Variants in ARHGAP25 observed in about 807,000 individuals in gnomAD.
The protein encoded by ARHGAP25 is Rho GTPase activating protein 25.
ARHGAP25 carries 34 observed loss-of-function variants against 71.0 expected under a neutral mutation model. The observed-to-expected ratio is 0.48, with a 90% CI of 0.36 to 0.64. ARHGAP25 has a LOEUF of 0.64. ARHGAP25 is among the 30% of genes least tolerant of loss of function. ARHGAP25 has a pLI of 0.00. For synonymous variants in ARHGAP25, 282 were observed against 296.5 expected, an observed-to-expected ratio of 0.95 and a Z score of 0.50; for missense variants, 706 against 805.1, an observed-to-expected ratio of 0.88 and a Z score of 1.49.
chr2:68,722,151 A>T (rs977701440), intron 2 of ARHGAP25, among the ~76,000 whole-genome samples: 5 of 152,356 alleles, frequency 3.3e-5, no homozygotes, highest in South Asian at 2.1e-4. Context: ...TAGGCCTTTT[A>T]AACAAGGAAA....
chr2:68,822,078 A>C (rs761545228), intron 9 of ARHGAP25, among the ~76,000 whole-genome samples: 10 of 152,136 alleles, frequency 6.6e-5, no homozygotes, highest in Non-Finnish European at 1.2e-4. Context: ...CTAAGATTAC[A>C]TAAGGATCCT....
At chr2:68,799,708 T>C (rs1417939135) in intron 4 of ARHGAP25, among the ~76,000 whole-genome samples, 1 of 151,902 alleles carries the variant, frequency 6.6e-6, no homozygotes, top group Non-Finnish European at 1.5e-5. Flanking sequence ...AGCTGGAGAG[T>C]CCTGTGTGTA....
chr2:68,727,145 C>G (rs1052920629), intron 2 of ARHGAP25, among the ~76,000 whole-genome samples: 3 of 152,142 alleles, frequency 2.0e-5, no homozygotes, highest in African/African-American at 7.2e-5. Context: ...TTAGTATTTG[C>G]TAAAAGCGTG....
upstream of ARHGAP25, among the ~76,000 whole-genome samples, chr2:68,731,747 T>C (rs893812557): frequency 2.0e-5 from 3 of 152,066 alleles, no homozygotes; most frequent in Non-Finnish European, 4.4e-5. Context: ...AAGCCTTACT[T>C]TAAAAGACAC....
At chr2:68,811,871 G>A (rs1680851899) in intron 5 of ARHGAP25, among the ~76,000 whole-genome samples, 1 of 152,138 alleles carries the variant, frequency 6.6e-6, no homozygotes, top group African/African-American at 2.4e-5. Flanking sequence ...TGAAATCAAG[G>A]AGATTCCAAG....
chr2:68,795,606 A>T (rs1432840824), intron 4 of ARHGAP25, among the ~76,000 whole-genome samples: 1 of 152,084 alleles, frequency 6.6e-6, no homozygotes, highest in Non-Finnish European at 1.5e-5. Flanking sequence ...TTCTAGTTTT[A>T]TTCCACTGTG....
chr2:68,712,939 G>T (rs545748094), intron 2 of ARHGAP25, among the ~76,000 whole-genome samples: 7 of 152,290 alleles, frequency 4.6e-5, no homozygotes, highest in Non-Finnish European at 1.0e-4. Context: ...AAGTCAGGTA[G>T]CGTGATGCCT....
intron 1 of ARHGAP25, among the ~76,000 whole-genome samples, chr2:68,771,320 G>C (rs1387267159): frequency 2.0e-5 from 3 of 152,126 alleles, no homozygotes; most frequent in Non-Finnish European, 4.4e-5. Flanking sequence ...CCCTCCGCCT[G>C]GTTCAGACCT....
intron 2 of ARHGAP25, among the ~76,000 whole-genome samples, chr2:68,729,491 A>C (rs1674959497): frequency 6.6e-6 from 1 of 152,208 alleles, no homozygotes; most frequent in Non-Finnish European, 1.5e-5. Flanking sequence ...TTGCAAAATC[A>C]CTCAGACACA....
chr2:68,822,277 C>T, intron 9 of ARHGAP25, 63 bp from the exon 10 acceptor site: 2 of 1,520,386 alleles, frequency 1.3e-6, no homozygotes, highest in Non-Finnish European at 1.8e-6. Flanking sequence ...TAATCCATAC[C>T]TTGGGAGCAT....
At chr2:68,815,048 T>C (rs940434543) in intron 6 of ARHGAP25, among the ~76,000 whole-genome samples, 3 of 152,192 alleles carry the variant, frequency 2.0e-5, no homozygotes, top group African/African-American at 7.2e-5. Flanking sequence ...CTGGGGAAAG[T>C]AAAGGAGGCA....
In ARHGAP25 at chr2:68,819,131, C is replaced by T. The variant is rs1471173631; in HGVS notation, c.1012C>T (p.Gln338Ter). The change falls in exon 9 of 11, where the codon CAG becomes TAG. Residue 338 changes from glutamine (Q) to a stop codon, truncating the protein, a stop_gained. Transcript: ENST00000409202. LOFTEE classifies it high-confidence loss of function. ...DPAVIMRGTP[Q>*]IQRVMTMMIR... ...TTTCTTCTGTCTTTCAGGGACTCCT[C>T]AGATCCAAAGAGTGATGACTATGAT... is the stretch of plus-strand genomic sequence containing the variant. 1.3e-6 allele frequency: 2 copies of T among 1,553,160 alleles called. No homozygotes were observed. Among genetic ancestry groups the T allele is most frequent in the Non-Finnish European group, 1.7e-6 (2 of 1,149,616 alleles).
chr2:68,818,027 C>A, intron 8 of ARHGAP25, 33 bp downstream of exon 8: 1 of 1,611,794 alleles, frequency 6.2e-7, no homozygotes, highest in South Asian at 1.1e-5. Context: ...AGCAGGTACC[C>A]AGGAAATAAC....
chr2:68,821,346 C>T (rs1046208867), intron 9 of ARHGAP25, among the ~76,000 whole-genome samples: 10 of 152,134 alleles, frequency 6.6e-5, no homozygotes, highest in Non-Finnish European at 1.2e-4. Context: ...GTGATCCACC[C>T]TCCTCAGCCT....
At chr2:68,795,943 G>A (rs889197538) in intron 4 of ARHGAP25, among the ~76,000 whole-genome samples, 4 of 152,092 alleles carry the variant, frequency 2.6e-5, no homozygotes, top group Non-Finnish European at 2.9e-5. Flanking sequence ...TGGATGCTCC[G>A]TGTTGAGTGC....
chr2:68,715,517 G>A (rs1278926333), intron 2 of ARHGAP25, among the ~76,000 whole-genome samples: 2 of 152,174 alleles, frequency 1.3e-5, no homozygotes, highest in African/African-American at 4.8e-5. Context: ...AGGGGCTTCC[G>A]GGAGGCGGTC....
At position 68,772,109 on chromosome 2, in the gene ARHGAP25, C is replaced by T. The variant is rs112623623; in HGVS notation, c.62-3112C>T. Among the ~76,000 whole-genome samples the T allele has an allele frequency of 4.7e-3, 722 of 152,368 alleles. 5 individuals carry two copies. Among genetic ancestry groups the T allele is most frequent in the Non-Finnish European group, 8.5e-3 (578 of 68,030 alleles). The stretch of plus-strand genomic sequence containing the variant: ...ACAAAGCATGAAAAATTTCACAGAA[C>T]TGTGAACAAAATACCAGCAACTAAT... On this transcript the variant is annotated intron_variant, in intron 1 of 10. Coordinates refer to ENST00000409202, the MANE Select transcript of ARHGAP25 (RefSeq NM_001007231.3).
chr2:68,775,810 T>A (rs1677854699), intron 2 of ARHGAP25: 4 of 399,862 alleles, frequency 1.0e-5, no homozygotes, highest in Non-Finnish European at 2.0e-5. Context: ...TGCCACACAC[T>A]GTTCTAGGTA....
intron 6 of ARHGAP25, among the ~76,000 whole-genome samples, chr2:68,815,274 G>T (rs1200534999): frequency 2.6e-5 from 4 of 152,044 alleles, no homozygotes; most frequent in South Asian, 4.1e-4. Context: ...GAATTTACTC[G>T]ACTCAACTGA....
Sources: gnomAD v4.1 joint callset for allele counts (sites outside exome capture counted in the v4.1 genomes callset) on GRCh38, gnomAD v4.1.1 for gene constraint, MANE v1.5 for transcripts, NCBI Gene and HGNC (gene_info 2026-07-23, HGNC 2026-07-21) for gene names.